The following GALNT14 variants were observed in gnomAD, a reference collection of about 807,000 sequenced individuals.
The protein encoded by GALNT14 is polypeptide N-acetylgalactosaminyltransferase 14, also known as UDP-GalNAc:polypeptide N-acetylgalactosaminyltransferase 14.
In GALNT14, 60 loss-of-function variants were observed where a neutral mutation model predicts 77.5. The ratio of observed to expected loss-of-function variants is 0.77; its 90% CI spans 0.63 to 0.96. GALNT14 has a LOEUF of 0.96. Ranked by LOEUF, GALNT14 falls within the 40% of genes least tolerant of loss-of-function variation. The pLI, the probability that GALNT14 is intolerant of heterozygous loss-of-function variation, is 0.00. For synonymous variants in GALNT14, 280 were observed against 281.7 expected (o/e 0.99, Z 0.06); for missense variants, 710 against 731.0 (o/e 0.97, Z 0.33).
intron 1 of GALNT14, among the ~76,000 whole-genome samples, chr2:31,031,257 C>A (rs1399141533): frequency 6.6e-6 from 1 of 152,012 alleles, no homozygotes; most frequent in African/African-American, 2.4e-5. Context: ...GAACAGGCAG[C>A]CCCAGAGGTT....
intron 6 of GALNT14, among the ~76,000 whole-genome samples, chr2:30,953,927 T>A (rs1201220315): frequency 6.6e-6 from 1 of 152,206 alleles, no homozygotes; most frequent in Non-Finnish European, 1.5e-5. Context: ...GCACCTACTC[T>A]ATGACAGGCA....
At chr2:31,096,063 C>G (rs1229348525) in intron 1 of GALNT14, among the ~76,000 whole-genome samples, 1 of 152,066 alleles carries the variant, frequency 6.6e-6, no homozygotes, top group African/African-American at 2.4e-5. Flanking sequence ...GGCCTCTTTT[C>G]TTCATCTCCA....
chr2:30,938,906 T>G (rs1666214002), intron 9 of GALNT14, among the ~76,000 whole-genome samples: 1 of 152,258 alleles, frequency 6.6e-6, no homozygotes, highest in Non-Finnish European at 1.5e-5. Flanking sequence ...AAAGGAAAGA[T>G]GTCTCTACCA....
chr2:31,051,131 T>G (rs985004528), intron 1 of GALNT14, among the ~76,000 whole-genome samples: 2 of 152,180 alleles, frequency 1.3e-5, no homozygotes, highest in Non-Finnish European at 2.9e-5. Context: ...TGGGCACATG[T>G]GGTTACACCC....
chr2:30,980,208 G>A (rs1211404556), intron 2 of GALNT14, among the ~76,000 whole-genome samples: 1 of 152,236 alleles, frequency 6.6e-6, no homozygotes, highest in African/African-American at 2.4e-5. Context: ...AGAGCAGGGT[G>A]CAGAGCCTGG....
At chr2:30,903,604 C>G in the GALNT14 span, among the ~76,000 whole-genome samples, 2 of 152,232 alleles carry the variant, frequency 1.3e-5, no homozygotes, top group South Asian at 4.1e-4. Context: ...GAGCTTGGAA[C>G]AGATCCTGCT....
intron 2 of GALNT14, among the ~76,000 whole-genome samples, chr2:30,971,256 G>C (rs896508114): frequency 2.0e-5 from 3 of 152,172 alleles, no homozygotes; most frequent in Admixed American, 2.0e-4. Flanking sequence ...GGAAAACCCT[G>C]CCAACACTGA....
chr2:31,119,842 G>A (rs1295950092), intron 1 of GALNT14, among the ~76,000 whole-genome samples: 1 of 152,204 alleles, frequency 6.6e-6, no homozygotes, highest in Non-Finnish European at 1.5e-5. Context: ...CCACACTGCA[G>A]AATATTATGC....
chr2:31,089,684 C>T (rs904913949), intron 1 of GALNT14, among the ~76,000 whole-genome samples: 3 of 152,224 alleles, frequency 2.0e-5, no homozygotes, highest in South Asian at 2.1e-4. Flanking sequence ...TTCTTTAATG[C>T]CATTGCTTAG....
At chr2:30,962,173 T>G (rs543178365) in intron 3 of GALNT14, among the ~76,000 whole-genome samples, 1 of 152,282 alleles carries the variant, frequency 6.6e-6, no homozygotes, top group East Asian at 1.9e-4. Flanking sequence ...CAGGCACTGC[T>G]CCAAGTCCTT....
At chr2:30,953,172 G>A (rs1042043823) in intron 6 of GALNT14, among the ~76,000 whole-genome samples, 1 of 152,168 alleles carries the variant, frequency 6.6e-6, no homozygotes, top group Non-Finnish European at 1.5e-5. Context: ...CTAGGGTAGT[G>A]TCAACAACTC....
chr2:30,983,611 G>C (rs1669117721), intron 2 of GALNT14, among the ~76,000 whole-genome samples: 1 of 152,280 alleles, frequency 6.6e-6, no homozygotes, highest in Non-Finnish European at 1.5e-5. Context: ...ACAGGCATTT[G>C]GCCCAGATGG....
chr2:30,902,058 T>A, the GALNT14 span, among the ~76,000 whole-genome samples: 1 of 152,216 alleles, frequency 6.6e-6, no homozygotes, highest in Non-Finnish European at 1.5e-5. Context: ...CGGATTTGAC[T>A]GAGGGCTCTC....
chr2:30,928,881 C>T (rs1447177223), intron 11 of GALNT14, among the ~76,000 whole-genome samples: 1 of 152,174 alleles, frequency 6.6e-6, no homozygotes, highest in Admixed American at 6.5e-5. Context: ...TCCCAAAGTG[C>T]TGGGATTACA....
At chr2:30,901,103 G>C in the GALNT14 span, among the ~76,000 whole-genome samples, 2 of 152,290 alleles carry the variant, frequency 1.3e-5, no homozygotes, top group African/African-American at 4.8e-5. Context: ...AGTCCATTTG[G>C]AGTCTATGAA....
At chr2:31,126,894 G>A (rs1185365186) in intron 1 of GALNT14, 3 of 152,120 alleles carry the variant, frequency 2.0e-5, no homozygotes, top group African/African-American at 7.2e-5. Flanking sequence ...AGTAAGACGT[G>A]GGTAACTTTC....
chr2:31,055,927 T>C (rs894354875), intron 1 of GALNT14, among the ~76,000 whole-genome samples: 1 of 152,216 alleles, frequency 6.6e-6, no homozygotes, highest in Admixed American at 6.5e-5. Flanking sequence ...TTCTCCCCAC[T>C]TGCATTCTTT....
intron 1 of GALNT14, among the ~76,000 whole-genome samples, chr2:31,048,574 C>A (rs2148514024): frequency 6.6e-6 from 1 of 151,226 alleles, no homozygotes; most frequent in South Asian, 2.1e-4. Context: ...TAACCAGGCC[C>A]TGGGACTGCC....
At chr2:31,086,256 C>T (rs928323806) in intron 1 of GALNT14, among the ~76,000 whole-genome samples, 2 of 152,170 alleles carry the variant, frequency 1.3e-5, no homozygotes, top group South Asian at 2.1e-4. Flanking sequence ...ACTCAACTTG[C>T]GGCTACCCTC....
Sources: allele counts gnomAD v4.1 joint callset (sites outside exome capture counted in the v4.1 genomes callset), GRCh38; gene constraint gnomAD v4.1.1; transcripts MANE v1.5; gene names NCBI Gene and HGNC (gene_info 2026-07-23, HGNC 2026-07-21).